CCDC30: variants seen among roughly 807,000 people sequenced by gnomAD.
The protein encoded by CCDC30 is coiled-coil domain containing 30.
A neutral mutation model predicts 100.2 loss-of-function variants in CCDC30; 70 were observed. The observed-to-expected ratio is 0.70, with a 90% CI of 0.58 to 0.85. The LOEUF is 0.85. Ranked by LOEUF, CCDC30 falls within the 40% of genes least tolerant of loss-of-function variation. The pLI, the probability that CCDC30 is intolerant of heterozygous loss-of-function variation, is 0.00. For missense variants in CCDC30, 652 were observed against 771.2 expected (o/e 0.85, Z 1.83); for synonymous variants, 233 against 269.5 (o/e 0.86, Z 1.33).
intron 1 of CCDC30, among the ~76,000 whole-genome samples, chr1:42,476,991 G>T (rs1395589410): frequency 1.3e-5 from 2 of 149,922 alleles, no homozygotes; most frequent in African/African-American, 4.9e-5. Context: ...CTTTCTACTG[G>T]GTAGACTGAA....
intron 6 of CCDC30, among the ~76,000 whole-genome samples, chr1:42,530,848 G>T (rs1644794652): frequency 6.6e-6 from 1 of 152,138 alleles, no homozygotes; most frequent in African/African-American, 2.4e-5. Flanking sequence ...ATCTCCCTCA[G>T]ATATCAAGGG....
At chr1:42,573,611 C>T (rs1199514109) in intron 7 of CCDC30, among the ~76,000 whole-genome samples, 1 of 152,060 alleles carries the variant, frequency 6.6e-6, no homozygotes, top group Non-Finnish European at 1.5e-5. Flanking sequence ...CTGGCTACCA[C>T]AGTGCTGAAT....
chr1:42,650,330 C>T (rs905969201), intron 15 of CCDC30, among the ~76,000 whole-genome samples: 3 of 151,932 alleles, frequency 2.0e-5, no homozygotes, highest in Admixed American at 6.6e-5. Context: ...AAAACCCTAT[C>T]TCTACAAAAA....
At chr1:42,471,520 C>G (rs1643770358) in intron 1 of CCDC30, among the ~76,000 whole-genome samples, 2 of 152,126 alleles carry the variant, frequency 1.3e-5, no homozygotes, top group Non-Finnish European at 2.9e-5. Flanking sequence ...TCACATATTT[C>G]TTAGCATTTT....
chr1:42,624,029 A>G (rs1452788822), intron 11 of CCDC30, among the ~76,000 whole-genome samples: 1 of 151,948 alleles, frequency 6.6e-6, no homozygotes, highest in Non-Finnish European at 1.5e-5. Flanking sequence ...TCTTTTTCAG[A>G]TTGTTCCCTG....
At chr1:42,511,657 A>G (rs1371387639) in intron 6 of CCDC30, among the ~76,000 whole-genome samples, 2 of 152,098 alleles carry the variant, frequency 1.3e-5, no homozygotes, top group East Asian at 3.9e-4. Context: ...TTTCCCATTT[A>G]CAGAAGGGGC....
At chr1:42,576,776 A>G (rs1645846515) in intron 7 of CCDC30, among the ~76,000 whole-genome samples, 1 of 152,200 alleles carries the variant, frequency 6.6e-6, no homozygotes, top group Admixed American at 6.5e-5. Flanking sequence ...TTTGGACTAG[A>G]TTGAAGAAAG....
chr1:42,490,136 A>G, intron 3 of CCDC30, 22 bp from the exon 4 acceptor site: 2 of 957,576 alleles, frequency 2.1e-6, no homozygotes, highest in Non-Finnish European at 2.7e-6. Context: ...TCCTTATACA[A>G]ATATTTTATT....
At chr1:42,632,760 CAA>C (rs58023514) in intron 11 of CCDC30, among the ~76,000 whole-genome samples, 65 of 142,658 alleles carry the variant, frequency 4.6e-4, no homozygotes, top group Non-Finnish European at 3.8e-4. Flanking sequence ...AACTCCATCT[CAA>C]AAAAAAAAAA....
chr1:42,652,115 T>A (rs917705479), intron 15 of CCDC30, among the ~76,000 whole-genome samples: 9 of 152,184 alleles, frequency 5.9e-5, no homozygotes, highest in Non-Finnish European at 1.2e-4. Context: ...TATATATATA[T>A]GATACAATAC....
At chr1:42,597,061 G>GC (rs113307410) in intron 10 of CCDC30, among the ~76,000 whole-genome samples, 60,034 of 151,974 alleles carry the variant, frequency 0.4, 12,371 homozygotes, top group Non-Finnish European at 0.45. Context: ...TGAGGAAAGA[G>GC]CTCTGTCCTT....
chr1:42,538,754 T>G (rs1644957289), intron 6 of CCDC30, among the ~76,000 whole-genome samples: 1 of 152,340 alleles, frequency 6.6e-6, no homozygotes, highest in East Asian at 1.9e-4. Context: ...AATTCCCTTA[T>G]AAAGTTGTCA....
At chr1:42,643,439 G>A (rs1346853578) in intron 13 of CCDC30, among the ~76,000 whole-genome samples, 3 of 152,168 alleles carry the variant, frequency 2.0e-5, no homozygotes, top group Non-Finnish European at 4.4e-5. Flanking sequence ...GGCAGGCTTG[G>A]AGAATCTCTG....
At chr1:42,624,022 T>G (rs1570280877) in intron 11 of CCDC30, among the ~76,000 whole-genome samples, 1 of 152,190 alleles carries the variant, frequency 6.6e-6, no homozygotes, top group East Asian at 1.9e-4. Flanking sequence ...TTTAATTTCT[T>G]TTTCAGATTG....
chr1:42,474,520 G>A (rs1192741573), intron 1 of CCDC30, among the ~76,000 whole-genome samples: 1 of 152,152 alleles, frequency 6.6e-6, no homozygotes, highest in Non-Finnish European at 1.5e-5. Context: ...TGATTCCTAT[G>A]TTCCTTCTAT....
the CCDC30 span, chr1:42,456,696 G>A: frequency 6.2e-7 from 1 of 1,607,140 alleles, no homozygotes; most frequent in South Asian, 1.1e-5. Context: ...ACGTCAGGCG[G>A]CACCAAGGTC....
At chr1:42,539,560 G>A (rs368764065) in intron 6 of CCDC30, among the ~76,000 whole-genome samples, 1 of 152,058 alleles carries the variant, frequency 6.6e-6, no homozygotes, top group Non-Finnish European at 1.5e-5. Flanking sequence ...CTTTAAATCA[G>A]CTTCCCACCA....
At chr1:42,653,281 G>A (rs942134973) in intron 15 of CCDC30, 95 bp from the exon 20 acceptor site, 15 of 599,062 alleles carry the variant, frequency 2.5e-5, no homozygotes, top group Non-Finnish European at 4.0e-5. Context: ...CTATGTGCAG[G>A]TATTGTATCT....
chr1:42,582,395 G>T (rs1266105131), intron 9 of CCDC30, among the ~76,000 whole-genome samples: 1 of 152,158 alleles, frequency 6.6e-6, no homozygotes, highest in African/African-American at 2.4e-5. Context: ...AGAAATGGGT[G>T]CCCTTTAAAT....
Sources: allele counts gnomAD v4.1 joint callset (sites outside exome capture counted in the v4.1 genomes callset), GRCh38; gene constraint gnomAD v4.1.1; transcripts MANE v1.5; gene names NCBI Gene and HGNC (gene_info 2026-07-23, HGNC 2026-07-21).